Variants in CACNA1C observed in about 807,000 individuals in gnomAD.
CACNA1C encodes voltage-dependent L-type calcium channel subunit alpha-1C.
In CACNA1C, 30 loss-of-function variants were observed where a neutral mutation model predicts 229.0. The ratio of observed to expected loss-of-function variants is 0.13; its 90% CI spans 0.10 to 0.18. The LOEUF (loss-of-function observed/expected upper bound fraction) is 0.18, where lower values mean the gene tolerates loss of function less well. Among genes scored for constraint, CACNA1C ranks in the 10% least tolerant of loss-of-function variants. CACNA1C has a pLI of 1.00. For missense variants in CACNA1C, 1,658 were observed against 2,845.0 expected (o/e 0.58, Z 9.49); for synonymous variants, 1,114 against 1,132.5 (o/e 0.98, Z 0.33).
At chr12:2,373,471 G>C (rs941577332) in intron 3 of CACNA1C, among the ~76,000 whole-genome samples, 10 of 152,086 alleles carry the variant, frequency 6.6e-5, no homozygotes, top group Admixed American at 5.9e-4. Flanking sequence ...ACTGAGGCCC[G>C]ACTGCCCTGA....
chr12:2,663,812 G>A (rs972225289), intron 34 of CACNA1C, among the ~76,000 whole-genome samples: 1 of 144,634 alleles, frequency 6.9e-6, no homozygotes, highest in African/African-American at 2.6e-5. Context: ...TGTGATCTCG[G>A]CTCACTGCAA....
chr12:2,440,396 G>C (rs1417044323), intron 3 of CACNA1C, among the ~76,000 whole-genome samples: 3 of 152,190 alleles, frequency 2.0e-5, no homozygotes, highest in Non-Finnish European at 4.4e-5. Flanking sequence ...ACTGTGTCTG[G>C]CTTCTTTTGC....
intron 29 of CACNA1C, among the ~76,000 whole-genome samples, chr12:2,616,377 C>A (rs114639783): frequency 6.6e-6 from 1 of 152,224 alleles, no homozygotes; most frequent in Non-Finnish European, 1.5e-5. Context: ...CAGAAGTTGA[C>A]GCATATATAG....
intron 3 of CACNA1C, among the ~76,000 whole-genome samples, chr12:2,163,184 C>T (rs1042814470): frequency 1.8e-5 from 2 of 113,144 alleles, no homozygotes; most frequent in East Asian, 2.6e-4. Flanking sequence ...GTCTGGGCAA[C>T]AAGAGTGAAA....
intron 6 of CACNA1C, among the ~76,000 whole-genome samples, chr12:2,489,870 C>G (rs995767549): frequency 4.6e-5 from 7 of 152,210 alleles, no homozygotes; most frequent in South Asian, 2.1e-4. Context: ...AATGTAGAAC[C>G]TGCATTGCTT....
At chr12:2,429,867 G>A (rs1402470334) in intron 3 of CACNA1C, among the ~76,000 whole-genome samples, 1 of 152,214 alleles carries the variant, frequency 6.6e-6, no homozygotes, top group East Asian at 1.9e-4. Flanking sequence ...GCCAATTGTG[G>A]TGAGGAGTAG....
chr12:2,439,273 T>C lies in CACNA1C; in HGVS notation c.478-9703T>C, dbSNP rs141351785. ...CTCCAAGAGGGTGACACAGGCAGCA[T>C]TGTGGCAAAGGTTGATCATGCCCTC... On this transcript the variant is annotated intron_variant, in intron 3 of 46. Coordinates refer to ENST00000399655, the MANE Select transcript of CACNA1C (RefSeq NM_000719.7). Among the ~76,000 whole-genome samples, 631 of 152,322 alleles carry C rather than the reference T, an allele frequency of 4.1e-3. 2 individuals are homozygous for C. Among genetic ancestry groups the C allele is most frequent in the African/African-American group, 0.014 (589 of 41,564 alleles).
In CACNA1C at chr12:2,585,735, C is replaced by T. The variant is rs1293029258; in HGVS notation, c.2461-100C>T. 1 of 978,528 alleles carries T rather than the reference C, an allele frequency of 1.0e-6. No homozygotes were observed. The highest frequency in any genetic ancestry group is 1.6e-6 in the Non-Finnish European group (1 of 624,130). 60.6% of individuals were successfully genotyped at this position (978,528 alleles called of 1,614,324 possible). On this transcript the variant is annotated intron_variant, in intron 17 of 46. Transcript: ENST00000399655. This position sits in a 1 kb window ranked among gnomAD's most constrained non-coding sequence, Gnocchi z 4.1. ...AAAGTGACAAGTACCTATTTTTGAG[C>T]TAAGTCACTGACTAAAATGCAACTT...
chr12:2,667,077 C>T (rs963706391), intron 37 of CACNA1C, among the ~76,000 whole-genome samples: 2 of 152,100 alleles, frequency 1.3e-5, no homozygotes, highest in African/African-American at 2.4e-5. Flanking sequence ...AGGGGTTCGG[C>T]GTTCTTTTCC....
At chr12:2,578,058 C>T (rs563907925) in intron 13 of CACNA1C, among the ~76,000 whole-genome samples, 19 of 151,752 alleles carry the variant, frequency 1.3e-4, no homozygotes, top group African/African-American at 2.2e-4. Context: ...TTAGTAGAGA[C>T]GGGGTTTCAC....
intron 1 of CACNA1C, among the ~76,000 whole-genome samples, chr12:2,102,402 A>G (rs1198815417): frequency 6.6e-6 from 1 of 152,090 alleles, no homozygotes; most frequent in African/African-American, 2.4e-5. Flanking sequence ...AACTCATCTC[A>G]GGCGTTCAGC....
At chr12:1,996,643 A>C (rs1034492519) in intron 1 of CACNA1C, among the ~76,000 whole-genome samples, 11 of 103,190 alleles carry the variant, frequency 1.1e-4, no homozygotes, top group African/African-American at 3.2e-4. Flanking sequence ...AAAAAAAAAA[A>C]AAAAAAAAAA....
chr12:2,509,013 T>C (rs2099777761), intron 8 of CACNA1C, among the ~76,000 whole-genome samples: 1 of 152,216 alleles, frequency 6.6e-6, no homozygotes, highest in Admixed American at 6.5e-5. Flanking sequence ...TGGACTCTGG[T>C]TGCTTTTTGT....
Position 2,678,211 on chromosome 12 carries a change from TG to T in CACNA1C, c.5091+345del, listed in dbSNP as rs2096921275. Among the ~76,000 whole-genome samples, 1 of 152,178 alleles carries T rather than the reference TG, an allele frequency of 6.6e-6. No individual in the cohort carries two copies. The highest frequency in any genetic ancestry group is 2.4e-5 in the African/African-American group (1 of 41,430). ...GCACATCTAATCTGCAGGCTTGTTT[TG>T]TTTGTTAATATTTGAAAATCAAGAC... On this transcript the variant is annotated intron_variant, in intron 41 of 46. Coordinates refer to ENST00000399655, the MANE Select transcript of CACNA1C (RefSeq NM_000719.7). The surrounding 1 kb of genome is among the most constrained non-coding windows in gnomAD (Gnocchi z 4.1).
intron 30 of CACNA1C, 78 bp from the exon 31 acceptor site, chr12:2,648,397 T>G: frequency 2.2e-6 from 3 of 1,341,266 alleles, no homozygotes; most frequent in Non-Finnish European, 3.2e-6. Flanking sequence ...GTTGCTCCCG[T>G]GTCAGCCAAG....
At chr12:2,323,811 A>G (rs1428655761) in intron 3 of CACNA1C, among the ~76,000 whole-genome samples, 4 of 150,214 alleles carry the variant, frequency 2.7e-5, no homozygotes, top group Admixed American at 2.0e-4. Context: ...GAGTCCGTGC[A>G]GGGAGGAGCT....
chr12:2,181,682 T>C lies in CACNA1C; in HGVS notation c.477+61252T>C, dbSNP rs1159773408. On this transcript the variant is annotated intron_variant, in intron 3 of 46. Transcript: ENST00000399655. The surrounding 1 kb of genome is among the most constrained non-coding windows in gnomAD (Gnocchi z 4.0). ...AAGAAGAGCAATAATATTCTAGTTA[T>C]TGTAGGCCAGGGGACCCACATCCAC... 1.3e-5 allele frequency among the ~76,000 whole-genome samples: 2 copies of C among 152,190 alleles called. No homozygotes were observed.
At chr12:2,098,606 T>G (rs1331536587) in intron 1 of CACNA1C, among the ~76,000 whole-genome samples, 1 of 152,200 alleles carries the variant, frequency 6.6e-6, no homozygotes, top group African/African-American at 2.4e-5. Context: ...ATCTCTGGAA[T>G]TCTGTGTTCT....
intron 3 of CACNA1C, among the ~76,000 whole-genome samples, chr12:2,193,685 G>A (rs1185039473): frequency 1.3e-5 from 2 of 152,228 alleles, no homozygotes; most frequent in East Asian, 1.9e-4. Flanking sequence ...ACCCAGCCGA[G>A]GAGGCCCTTC....
Sources: allele counts gnomAD v4.1 joint callset (sites outside exome capture counted in the v4.1 genomes callset), GRCh38; gene constraint gnomAD v4.1.1; non-coding constraint Gnocchi (gnomAD v3.1); transcripts MANE v1.5; gene names NCBI Gene and HGNC (gene_info 2026-07-23, HGNC 2026-07-21).